AKR1C3: variants seen among roughly 807,000 people sequenced by gnomAD.
AKR1C3 encodes the protein 3-alpha hydroxysteroid dehydrogenase, type II.
In AKR1C3, 48 loss-of-function variants were observed where a neutral mutation model predicts 43.6. The observed-to-expected ratio is 1.10, with a 90% CI of 0.87 to 1.40. The LOEUF is 1.40. Among genes scored for constraint, AKR1C3 ranks in the 40% most tolerant of loss-of-function variants. The pLI, the probability that AKR1C3 is intolerant of heterozygous loss-of-function variation, is 0.00. For synonymous variants in AKR1C3, 162 were observed against 139.6 expected, an observed-to-expected ratio of 1.16 and a Z score of -1.13; for missense variants, 482 against 391.2, an observed-to-expected ratio of 1.23 and a Z score of -1.96.
At chr10:5,102,050 A>T in intron 5 of AKR1C3, 51 bp from the exon 6 acceptor site, 1 of 1,149,330 alleles carries the variant, frequency 8.7e-7, no homozygotes, top group Non-Finnish European at 1.3e-6. Flanking sequence ...TTTCAATATT[A>T]ACATAACTAT....
chr10:5,086,426 C>T (rs1338011356), intron 1 of AKR1C3, among the ~76,000 whole-genome samples: 1 of 151,532 alleles, frequency 6.6e-6, no homozygotes, highest in Non-Finnish European at 1.5e-5. Context: ...TTTGATTGCA[C>T]TGTGATCTGA....
At position 5,068,948 on chromosome 10, in the gene AKR1C3, C is replaced by A. The variant is rs1431969795; in HGVS notation, c.84+20053C>A. 4.6e-5 allele frequency among the ~76,000 whole-genome samples: 7 copies of A among 152,318 alleles called. No homozygotes were observed. In the South Asian group the frequency reaches 1.2e-3, roughly 27 times the overall value. On this transcript the variant is annotated intron_variant, in intron 1 of 8. Transcript: ENST00000439082. Reference sequence around the variant, plus strand: ...ACCTAATATTTGAACATAACTTAGACCACATGTTTACATTTTCAAGACAAC... The same window carrying A: ...ACCTAATATTTGAACATAACTTAGAACACATGTTTACATTTTCAAGACAAC...
intron 6 of AKR1C3, 77 bp downstream of exon 6, chr10:5,102,287 T>C: frequency 6.3e-7 from 1 of 1,575,580 alleles, no homozygotes; most frequent in Non-Finnish European, 8.7e-7. Flanking sequence ...CTCAGTTTCC[T>C]GTAGTTAAGT....
Position 5,102,552 on chromosome 10 carries a change from C to A in AKR1C3, c.748C>A (p.Arg250=). 6.4e-7 allele frequency: 1 copy of A among 1,570,508 alleles called. No homozygotes were observed. Among genetic ancestry groups the A allele is most frequent in the Non-Finnish European group, 8.7e-7 (1 of 1,155,568 alleles). Reference sequence around the variant, plus strand: ...TTGTGCCTTGGCAAAAAAGCACAAGCGAACCCCAGCCCTGATTGCCCTGCG... The same window carrying A: ...TTGTGCCTTGGCAAAAAAGCACAAGAGAACCCCAGCCCTGATTGCCCTGCG... ...VLCALAKKHK[R]TPALIALRYQ... The change falls in exon 7 of 9, where the codon CGA becomes AGA. Residue 250 remains arginine, a synonymous_variant. Coordinates refer to ENST00000380554, the MANE Select transcript of AKR1C3 (RefSeq NM_003739.6).
At chr10:5,072,121 G>A (rs1838623637) in intron 1 of AKR1C3, among the ~76,000 whole-genome samples, 1 of 152,132 alleles carries the variant, frequency 6.6e-6, no homozygotes, top group African/African-American at 2.4e-5. Flanking sequence ...CAGCCTATGT[G>A]ACACTTATCT....
At chr10:5,056,644 C>T (rs7909270) in intron 1 of AKR1C3, among the ~76,000 whole-genome samples, 109,945 of 152,094 alleles carry the variant, frequency 0.72, 39,956 homozygotes, top group East Asian at 0.93. Context: ...GGGCATTTTT[C>T]GCCCTTCCAA....
Position 5,102,098 on chromosome 10 carries a change from C to A in AKR1C3, c.571-3C>A, listed in dbSNP as rs533218612. On this transcript the variant is annotated splice_polypyrimidine_tract_variant and splice_region_variant and intron_variant, in intron 5 of 8. Transcript: ENST00000380554. ...GATGCTTCTCTCTTTTGGTCAACTG[C>A]AGGTAGAATGTCATCCGTATTTCAA... The A allele has an allele frequency of 2.7e-4, 425 of 1,589,228 alleles. 3 individuals are homozygous for A. In the Middle Eastern group the frequency reaches 3.8e-3, roughly 14 times the overall value.
intron 5 of AKR1C3, 150 bp from the exon 6 acceptor site, chr10:5,101,951 T>C (rs1839361547): frequency 1.8e-6 from 1 of 563,510 alleles, no homozygotes; most frequent in African/African-American, 1.9e-5. Flanking sequence ...AAAATTTATT[T>C]CTATGAAAAA....
In AKR1C3 at chr10:5,103,961, AAGATATATGAGAT is replaced by A. The variant is rs1192058627; in HGVS notation, c.846+1316_846+1328del. 7.2e-5 allele frequency among the ~76,000 whole-genome samples: 11 copies of A among 152,150 alleles called. No individual in the cohort carries two copies. The East Asian group carries it at 1.9e-3, about 27-fold the overall frequency. On this transcript the variant is annotated intron_variant, in intron 7 of 8. Coordinates refer to ENST00000380554, the MANE Select transcript of AKR1C3 (RefSeq NM_003739.6). The stretch of plus-strand genomic sequence containing the variant: ...ATTGATATATATATTATAGTTTAAT[AAGATATATGAGAT>A]AGATTACACATACATACATATATAT...
chr10:5,081,074 G>A (rs1554782304), intron 1 of AKR1C3, among the ~76,000 whole-genome samples: 1 of 152,150 alleles, frequency 6.6e-6, no homozygotes, highest in Non-Finnish European at 1.5e-5. Flanking sequence ...GTTCCTTAAA[G>A]TGGGTATTTA....
rs1839230550 is a variant in AKR1C3, at chr10:5,097,368, G to GT, written c.253-66_253-65insT. On this transcript the variant is annotated intron_variant, in intron 2 of 8. Transcript: ENST00000380554. The stretch of plus-strand genomic sequence containing the variant: ...GTAGGAAAATATCTAAATACTAGAT[G>GT]GCACAAAGTAATAAGATTTGCTCAA... 2.6e-6 allele frequency: 4 copies of GT among 1,567,112 alleles called. No homozygotes were observed. The Admixed American group carries it at 7.7e-5, about 30-fold the overall frequency.
At chr10:5,107,412 C>G in intron 8 of AKR1C3, 49 bp from the exon 9 acceptor site, 1 of 1,263,200 alleles carries the variant, frequency 7.9e-7, no homozygotes, top group Non-Finnish European at 1.2e-6. Context: ...TTACTACTCC[C>G]CTAGTAATGG....
At chr10:5,088,004 G>C (rs1554783506) in intron 1 of AKR1C3, among the ~76,000 whole-genome samples, 1 of 152,050 alleles carries the variant, frequency 6.6e-6, no homozygotes, top group African/African-American at 2.4e-5. Flanking sequence ...ATATCCGAGA[G>C]ATTTTGGCAT....
rs1554785665 is a variant in AKR1C3 at position 5,099,418 on chromosome 10, C to G, written c.539C>G (p.Pro180Arg). Residue 180 changes from proline to arginine, a missense_variant, in exon 5 of 9, where the codon CCA becomes CGA. Pro to Arg is a moderately radical substitution (Grantham distance 103, BLOSUM62 -2). Coordinates refer to ENST00000380554, the MANE Select transcript of AKR1C3 (RefSeq NM_003739.6). Reference sequence around the variant, plus strand: ...CAGCTGGAGATGATCCTCAACAAGCCAGGACTCAAGTACAAGCCTGTCTGC... The same window carrying G: ...CAGCTGGAGATGATCCTCAACAAGCGAGGACTCAAGTACAAGCCTGTCTGC... The part of the protein sequence containing the change: ...RRQLEMILNK[P>R]GLKYKPVCNQ... 3.7e-6 allele frequency: 6 copies of G among 1,614,188 alleles called. No individual in the cohort carries two copies. The highest frequency in any genetic ancestry group is 5.1e-6 in the Non-Finnish European group (6 of 1,180,034).
At chr10:5,101,724 T>G (rs1554786015) in intron 5 of AKR1C3, among the ~76,000 whole-genome samples, 1 of 152,232 alleles carries the variant, frequency 6.6e-6, no homozygotes. Flanking sequence ...AAAGTAGTGC[T>G]TTTGTCTTTC....
In AKR1C3 at chr10:5,102,609, G is replaced by C; in HGVS notation, c.805G>C (p.Ala269Pro). 1 of 1,519,396 alleles carries C rather than the reference G, an allele frequency of 6.6e-7. No individual in the cohort carries two copies. Among genetic ancestry groups the C allele is most frequent in the Non-Finnish European group, 8.8e-7 (1 of 1,132,334 alleles). The allele number at this position is 1,519,396 out of a possible 1,614,324, so 94.1% of individuals were successfully genotyped here. The change falls in exon 7 of 9, where the codon GCC becomes CCC. Residue 269 changes from alanine to proline, a missense_variant. Coordinates refer to ENST00000380554, the MANE Select transcript of AKR1C3 (RefSeq NM_003739.6). ...GCTGCAGCGTGGGGTTGTGGTCCTG[G>C]CCAAGAGCTACAATGAGCAGCGCAT... ...YQLQRGVVVLAKSYNEQRIRQ... is the reference protein window; with the variant it reads ...YQLQRGVVVLPKSYNEQRIRQ...
At chr10:5,087,514 A>C (rs1554783373) in intron 1 of AKR1C3, among the ~76,000 whole-genome samples, 1 of 151,792 alleles carries the variant, frequency 6.6e-6, no homozygotes, top group Non-Finnish European at 1.5e-5. Flanking sequence ...CTGAGATTAC[A>C]GGCACACACC....
intron 1 of AKR1C3, among the ~76,000 whole-genome samples, chr10:5,059,740 G>A (rs558599640): frequency 1.3e-5 from 2 of 152,240 alleles, no homozygotes; most frequent in East Asian, 1.9e-4. Flanking sequence ...AGTGCTTGGC[G>A]ATAGGCGATA....
At chr10:5,097,921 A>G (rs1839248998) in intron 3 of AKR1C3, 1 of 1,052,184 alleles carries the variant, frequency 9.5e-7, no homozygotes, top group Non-Finnish European at 1.1e-6. Flanking sequence ...ATGCACAATG[A>G]GTTTCCACCA....
Sources: gnomAD v4.1 joint callset for allele counts (sites outside exome capture counted in the v4.1 genomes callset) on GRCh38, gnomAD v4.1.1 for gene constraint, MANE v1.5 for transcripts, NCBI Gene and HGNC (gene_info 2026-07-23, HGNC 2026-07-21) for gene names.